Variants in MARCHF1 observed in about 807,000 individuals in gnomAD.
MARCHF1 encodes the protein E3 ubiquitin-protein ligase MARCHF1.
Under a neutral mutation model 54.2 loss-of-function variants are expected in MARCHF1, and 40 were observed. The ratio of observed to expected loss-of-function variants is 0.74; its 90% CI spans 0.57 to 0.96. The LOEUF is 0.96. Among genes scored for constraint, MARCHF1 ranks in the 40% least tolerant of loss-of-function variants. The pLI, the probability that MARCHF1 is intolerant of heterozygous loss-of-function variation, is 0.00. For synonymous variants in MARCHF1, 236 were observed against 236.3 expected (o/e 1.00, Z 0.01); for missense variants, 586 against 656.5 (o/e 0.89, Z 1.17).
intron 2 of MARCHF1, among the ~76,000 whole-genome samples, chr4:164,098,360 C>A (rs1260106241): frequency 1.3e-5 from 2 of 152,170 alleles, no homozygotes; most frequent in African/African-American, 4.8e-5. Context: ...GTTAGGAAGA[C>A]AACCCTGAAA....
intron 3 of MARCHF1, among the ~76,000 whole-genome samples, chr4:163,939,474 T>C (rs1241459357): frequency 2.0e-5 from 3 of 152,160 alleles, no homozygotes; most frequent in Admixed American, 6.6e-5. Flanking sequence ...TTATTCAAAG[T>C]GTCCTCTGTA....
At chr4:164,127,011 G>T (rs1371390908) in intron 1 of MARCHF1, among the ~76,000 whole-genome samples, 5 of 150,836 alleles carry the variant, frequency 3.3e-5, no homozygotes, top group Non-Finnish European at 5.9e-5. Flanking sequence ...CAGAGATTGT[G>T]CCATTGCACT....
intron 3 of MARCHF1, among the ~76,000 whole-genome samples, chr4:163,917,208 C>T (rs1309677152): frequency 6.6e-6 from 1 of 152,090 alleles, no homozygotes; most frequent in Non-Finnish European, 1.5e-5. Context: ...AACGAATAAA[C>T]CCGTTATAAA....
intron 3 of MARCHF1, among the ~76,000 whole-genome samples, chr4:163,912,372 T>C (rs980012672): frequency 1.3e-5 from 2 of 152,144 alleles, no homozygotes; most frequent in African/African-American, 2.4e-5. Flanking sequence ...AAAAGTGTTA[T>C]GTAATTACTC....
At chr4:164,211,002 G>C (rs1371454619) in intron 1 of MARCHF1, among the ~76,000 whole-genome samples, 1 of 151,928 alleles carries the variant, frequency 6.6e-6, no homozygotes, top group East Asian at 1.9e-4. Context: ...AATCTAAAAA[G>C]AGTAAAATTC....
chr4:164,270,661 TCAC>T (rs1468585977), intron 1 of MARCHF1, among the ~76,000 whole-genome samples: 1 of 152,188 alleles, frequency 6.6e-6, no homozygotes, highest in Non-Finnish European at 1.5e-5. Flanking sequence ...CTAAATCACA[TCAC>T]CACCACAATA....
chr4:164,361,225 A>T (rs1468306610), intron 1 of MARCHF1, among the ~76,000 whole-genome samples: 1 of 151,940 alleles, frequency 6.6e-6, no homozygotes, highest in African/African-American at 2.4e-5. Flanking sequence ...CTATCTTTTA[A>T]GTTTCACACT....
At chr4:164,363,447 C>T (rs1730784301) in intron 1 of MARCHF1, among the ~76,000 whole-genome samples, 1 of 152,016 alleles carries the variant, frequency 6.6e-6, no homozygotes, top group Non-Finnish European at 1.5e-5. Context: ...TTCCAGGGCA[C>T]CAAAACTATA....
At chr4:163,840,039 A>G (rs1294238994) in intron 4 of MARCHF1, among the ~76,000 whole-genome samples, 3 of 152,182 alleles carry the variant, frequency 2.0e-5, no homozygotes, top group Non-Finnish European at 4.4e-5. Flanking sequence ...ACATCACTGT[A>G]GATTTTATAG....
At chr4:163,657,675 A>G (rs1400754745) in intron 5 of MARCHF1, among the ~76,000 whole-genome samples, 1 of 152,158 alleles carries the variant, frequency 6.6e-6, no homozygotes, top group Non-Finnish European at 1.5e-5. Context: ...ACAAGGCTAC[A>G]GTAACCAAAA....
intron 1 of MARCHF1, among the ~76,000 whole-genome samples, chr4:164,351,691 A>G (rs1473521140): frequency 6.6e-6 from 1 of 151,958 alleles, no homozygotes; most frequent in Non-Finnish European, 1.5e-5. Flanking sequence ...GGAAACTCTA[A>G]AAAGCAGAGC....
At chr4:164,364,170 TAGTC>T (rs1189512757) in intron 1 of MARCHF1, among the ~76,000 whole-genome samples, 3 of 152,174 alleles carry the variant, frequency 2.0e-5, no homozygotes, top group East Asian at 3.9e-4. Flanking sequence ...TAATAACCTT[TAGTC>T]AGTCAGAGAA....
chr4:163,680,743 G>A (rs2111163277), intron 5 of MARCHF1, among the ~76,000 whole-genome samples: 2 of 152,206 alleles, frequency 1.3e-5, no homozygotes, highest in Middle Eastern at 3.4e-3. Flanking sequence ...ACTTCTAAGG[G>A]ATAAATCCTG....
intron 4 of MARCHF1, among the ~76,000 whole-genome samples, chr4:163,729,698 G>A (rs891620085): frequency 1.3e-5 from 2 of 152,156 alleles, no homozygotes; most frequent in South Asian, 2.1e-4. Flanking sequence ...GATATGCACT[G>A]ATGTCCCCTC....
intron 1 of MARCHF1, among the ~76,000 whole-genome samples, chr4:164,378,431 A>C (rs1321718931): frequency 6.6e-6 from 1 of 152,240 alleles, no homozygotes; most frequent in Non-Finnish European, 1.5e-5. Flanking sequence ...GTGGAGGCTA[A>C]GACACTGAGA....
At chr4:163,636,537 A>G (rs1484767686) in intron 5 of MARCHF1, among the ~76,000 whole-genome samples, 1 of 150,078 alleles carries the variant, frequency 6.7e-6, no homozygotes, top group African/African-American at 2.4e-5. Context: ...CCAACTTACA[A>G]GGGATGTGAA....
At chr4:164,046,396 A>G (rs1039035583) in intron 2 of MARCHF1, among the ~76,000 whole-genome samples, 2 of 152,268 alleles carry the variant, frequency 1.3e-5, no homozygotes, top group South Asian at 2.1e-4. Context: ...TCTCCAATAC[A>G]TAATAGGTGC....
intron 9 of MARCHF1, among the ~76,000 whole-genome samples, chr4:163,542,739 G>GA (rs1738761329): frequency 6.6e-6 from 1 of 152,196 alleles, no homozygotes; most frequent in South Asian, 2.1e-4. Flanking sequence ...AGGGAAGCAG[G>GA]AGGTTAAAAA....
At chr4:164,310,038 G>A (rs555361898) in intron 1 of MARCHF1, among the ~76,000 whole-genome samples, 183 of 151,416 alleles carry the variant, frequency 1.2e-3, no homozygotes, top group African/African-American at 4.3e-3. Context: ...ATATATTTAT[G>A]GGGTACATGA....
Sources: gnomAD v4.1 joint callset for allele counts (sites outside exome capture counted in the v4.1 genomes callset) on GRCh38, gnomAD v4.1.1 for gene constraint, MANE v1.5 for transcripts, NCBI Gene and HGNC (gene_info 2026-07-23, HGNC 2026-07-21) for gene names.